SERPINB11: variants seen among roughly 807,000 people sequenced by gnomAD.
SERPINB11 encodes serpin B11.
A neutral mutation model predicts 36.7 loss-of-function variants in SERPINB11; 32 were observed. That is an observed-to-expected ratio of 0.87 (90% CI 0.66 to 1.17). SERPINB11 has a LOEUF of 1.17. SERPINB11 is among the 50% of genes most tolerant of loss of function. The probability of loss-of-function intolerance (pLI) is 0.00; values close to 1 mark genes in which losing one functional copy is unlikely to be tolerated. For missense variants in SERPINB11, 528 were observed against 458.4 expected, an observed-to-expected ratio of 1.15 and a Z score of -1.39; for synonymous variants, 174 against 168.1, an observed-to-expected ratio of 1.04 and a Z score of -0.27.
chr18:63,712,617 T>A lies in SERPINB11; in HGVS notation c.281T>A (p.Ile94Asn). Residue 94 changes from isoleucine to asparagine, a missense_variant, in exon 4 of 8, where the codon ATC becomes AAC. Coordinates refer to ENST00000544088, the MANE Select transcript of SERPINB11 (RefSeq NM_001370475.1). The part of the protein sequence containing the change: ...HSEFGVEFSQ[I>N]NQPDSNCTLS... Reference sequence around the variant, plus strand: ...GAGTTTGGTGTCGAATTCTCTCAAATCAACCAGCCAGACTCTAACTGTACC... The same window carrying A: ...GAGTTTGGTGTCGAATTCTCTCAAAACAACCAGCCAGACTCTAACTGTACC... The A allele has an allele frequency of 6.2e-7, 1 of 1,613,804 alleles. No homozygotes were observed. Among genetic ancestry groups the A allele is most frequent in the Non-Finnish European group, 8.5e-7 (1 of 1,179,744 alleles).
In SERPINB11 at chr18:63,720,965, A is replaced by G. The variant is rs1456012219; in HGVS notation, c.753A>G (p.Val251=). 1 of 1,609,250 alleles carries G rather than the reference A, an allele frequency of 6.2e-7. No homozygotes were observed. Among genetic ancestry groups the G allele is most frequent in the Non-Finnish European group, 8.5e-7 (1 of 1,178,282 alleles). Residue 251 remains valine (V), a synonymous_variant, in exon 7 of 8, where the codon GTA becomes GTG. Coordinates refer to ENST00000544088, the MANE Select transcript of SERPINB11 (RefSeq NM_001370475.1). Reference sequence around the variant, plus strand: ...TAAGCATGATTATTCTGCTTCCAGTAGGCATAGCTAATCTGAAACAGGTAA... The same window carrying G: ...TAAGCATGATTATTCTGCTTCCAGTGGGCATAGCTAATCTGAAACAGGTAA... ...NKLSMIILLP[V]GIANLKQIEK... is the part of the protein sequence containing the mutation.
intron 5 of SERPINB11, among the ~76,000 whole-genome samples, chr18:63,718,655 T>A (rs575689157): frequency 6.6e-6 from 1 of 152,178 alleles, no homozygotes; most frequent in South Asian, 2.1e-4. Flanking sequence ...TAGCTTTATA[T>A]TATTTTAGAT....
intron 4 of SERPINB11, among the ~76,000 whole-genome samples, chr18:63,714,264 G>C (rs1914606539): frequency 6.6e-6 from 1 of 152,086 alleles, no homozygotes; most frequent in Admixed American, 6.5e-5. Flanking sequence ...TAGGGTGTGG[G>C]TCACAGAGAT....
At chr18:63,719,203 T>C (rs894827407) in intron 5 of SERPINB11, among the ~76,000 whole-genome samples, 9 of 152,102 alleles carry the variant, frequency 5.9e-5, no homozygotes, top group Admixed American at 5.2e-4. Flanking sequence ...ATGTTATATA[T>C]TTATGTAGAA....
In SERPINB11 at chr18:63,712,699, T is replaced by C. The variant is rs754745717; in HGVS notation, c.357+6T>C. On this transcript the variant is annotated splice_donor_region_variant and intron_variant, in intron 4 of 7. Transcript: ENST00000544088. ...AGACGATGGCATTTCATCAGGTAAG[T>C]CCATTTGGAAGAGTGATCAACAACT... 1 of 1,611,286 alleles carries C rather than the reference T, an allele frequency of 6.2e-7. No individual in the cohort carries two copies. The highest frequency in any genetic ancestry group is 8.5e-7 in the Non-Finnish European group (1 of 1,178,586).
rs1568189430 is a variant in SERPINB11 at position 63,723,284 on chromosome 18, CT to C, written c.1065del (p.Val356Ter). The C allele has an allele frequency of 6.2e-7, 1 of 1,613,970 alleles. No individual in the cohort carries two copies. Among genetic ancestry groups the C allele is most frequent in the South Asian group, 1.1e-5 (1 of 91,080 alleles). On this transcript the variant is annotated frameshift_variant, in exon 8 of 8. Coordinates refer to ENST00000544088, the MANE Select transcript of SERPINB11 (RefSeq NM_001370475.1). LOFTEE classifies it high-confidence loss of function. ...GCAGCAGCCACTGGGGACAGCATCG[CT>C]GTAAAAAGCCTACCAATGAGAGCTC... ...EAAAATGDSI[A>X]VKSLPMRAQF... is the part of the protein sequence containing the mutation.
At position 63,712,606 on chromosome 18, in the gene SERPINB11, A is replaced by G; in HGVS notation, c.270A>G (p.Glu90=). The stretch of plus-strand genomic sequence containing the variant: ...GAATTCATTCCGAGTTTGGTGTCGA[A>G]TTCTCTCAAATCAACCAGCCAGACT... The part of the protein sequence containing the change: ...AGRIHSEFGV[E]FSQINQPDSN... The change falls in exon 4 of 8, where the codon GAA becomes GAG. Residue 90 remains glutamate (E), a synonymous_variant. Transcript: ENST00000544088. 2 of 1,613,704 alleles carry G rather than the reference A, an allele frequency of 1.2e-6. No individual in the cohort carries two copies. Among genetic ancestry groups the G allele is most frequent in the South Asian group, 2.2e-5 (2 of 91,064 alleles).
intron 4 of SERPINB11, 23 bp downstream of exon 4, chr18:63,712,716 TCAA>T: frequency 6.2e-7 from 1 of 1,603,664 alleles, no homozygotes; most frequent in Non-Finnish European, 8.5e-7. Context: ...GGAAGAGTGA[TCAA>T]CAACTTTCTT....
chr18:63,714,814 G>A (rs1914625172), intron 4 of SERPINB11, among the ~76,000 whole-genome samples: 1 of 151,920 alleles, frequency 6.6e-6, no homozygotes, highest in Admixed American at 6.6e-5. Flanking sequence ...ATCATCACAG[G>A]GTCCTGAGGT....
intron 1 of SERPINB11, among the ~76,000 whole-genome samples, chr18:63,709,677 G>C (rs1273583452): frequency 1.6e-5 from 2 of 127,800 alleles, no homozygotes; most frequent in African/African-American, 5.7e-5. Flanking sequence ...AAATGTGCTG[G>C]AAATTTTGCG....
In SERPINB11 at chr18:63,711,398, TGATA is replaced by T; in HGVS notation, c.228+5_228+8del. 1.3e-6 allele frequency: 2 copies of T among 1,587,048 alleles called. No individual in the cohort carries two copies. The highest frequency in any genetic ancestry group is 8.6e-7 in the Non-Finnish European group (1 of 1,156,178). On this transcript the variant is annotated splice_donor_5th_base_variant and intron_variant, in intron 3 of 7. Coordinates refer to ENST00000544088, the MANE Select transcript of SERPINB11 (RefSeq NM_001370475.1). ...AGGGTTCAAGGACTCACCTAAGGTA[TGATA>T]ATATTACTGAGTTGTCAAATGCTCT...
intron 1 of SERPINB11, among the ~76,000 whole-genome samples, chr18:63,706,895 G>T (rs890697441): frequency 6.6e-6 from 1 of 152,094 alleles, no homozygotes; most frequent in African/African-American, 2.4e-5. Context: ...GCTACCTCAC[G>T]GACACAAAAT....
intron 2 of SERPINB11, among the ~76,000 whole-genome samples, chr18:63,710,723 C>T (rs895731082): frequency 6.6e-6 from 1 of 152,024 alleles, no homozygotes; most frequent in Non-Finnish European, 1.5e-5. Context: ...TTAGACATTA[C>T]CAAGTTAAAA....
intron 7 of SERPINB11, among the ~76,000 whole-genome samples, chr18:63,721,506 G>A (rs1914812481): frequency 6.6e-6 from 1 of 152,212 alleles, no homozygotes; most frequent in East Asian, 1.9e-4. Flanking sequence ...TGCAGCCAAA[G>A]CTGCCCAGCA....
chr18:63,717,925 T>C (rs987854339), intron 5 of SERPINB11, among the ~76,000 whole-genome samples: 17 of 152,042 alleles, frequency 1.1e-4, no homozygotes, highest in Admixed American at 4.6e-4. Context: ...AAGTATTTTC[T>C]AGTTTGTGAA....
chr18:63,720,138 C>A lies in SERPINB11; in HGVS notation c.601C>A (p.Pro201Thr). Residue 201 changes from proline to threonine, a missense_variant, in exon 6 of 8, where the codon CCT (proline) becomes ACT (threonine). Pro to Thr is a conservative substitution (Grantham distance 38, BLOSUM62 -1). Transcript: ENST00000544088. Reference sequence around the variant, plus strand: ...TCAAGTAAGAGAGACAGTTAAAAGTCCTTTTCAGCTAAGTGAGGTAAGTAT... The same window carrying A: ...TCAAGTAAGAGAGACAGTTAAAAGTACTTTTCAGCTAAGTGAGGTAAGTAT... ...KFQVRETVKS[P>T]FQLSEGKNVT... The A allele has an allele frequency of 6.2e-7, 1 of 1,606,236 alleles. No homozygotes were observed. Among genetic ancestry groups the A allele is most frequent in the Non-Finnish European group, 8.5e-7 (1 of 1,174,986 alleles).
intron 6 of SERPINB11, 50 bp from the exon 7 acceptor site, chr18:63,720,781 C>G (rs766781171): frequency 4.5e-6 from 6 of 1,330,942 alleles, no homozygotes; most frequent in Non-Finnish European, 6.3e-6. Context: ...AGTACACACA[C>G]ATGTGCACTC....
intron 7 of SERPINB11, among the ~76,000 whole-genome samples, chr18:63,721,241 A>G (rs756224232): frequency 5.3e-5 from 8 of 152,218 alleles, no homozygotes; most frequent in Non-Finnish European, 1.0e-4. Context: ...TTTTGTACAA[A>G]TACACACAAG....
chr18:63,718,134 T>G (rs767094480), intron 5 of SERPINB11, among the ~76,000 whole-genome samples: 4 of 151,994 alleles, frequency 2.6e-5, no homozygotes, highest in Non-Finnish European at 5.9e-5. Flanking sequence ...GCTCCTAGGT[T>G]TTCCATTCTC....
Sources: allele counts gnomAD v4.1 joint callset (sites outside exome capture counted in the v4.1 genomes callset), GRCh38; gene constraint gnomAD v4.1.1; transcripts MANE v1.5; gene names NCBI Gene and HGNC (gene_info 2026-07-23, HGNC 2026-07-21).